Variants in GPT2 observed in about 807,000 individuals in gnomAD.
GPT2 encodes glutamic--pyruvic transaminase 2, also known as alanine aminotransferase 2.
In GPT2, 30 loss-of-function variants were observed where a neutral mutation model predicts 56.9. The observed-to-expected ratio is 0.53, with a 90% confidence interval of 0.39 to 0.72. GPT2 has a LOEUF of 0.72. Ranked by LOEUF, GPT2 falls within the 30% of genes least tolerant of loss-of-function variation. The pLI is 0.00. For synonymous variants in GPT2, 271 were observed against 283.1 expected, an observed-to-expected ratio of 0.96 and a Z score of 0.43; for missense variants, 542 against 703.4, an observed-to-expected ratio of 0.77 and a Z score of 2.60.
Position 46,926,685 on chromosome 16 carries a change from G to A in GPT2, c.1369-240G>A, listed in dbSNP as rs575275034. ...GGCTGCCTGGGGATGGGCACTGCCC[G>A]ATGACGGGCAGGAGGACCACTACCT... On this transcript the variant is annotated intron_variant, in intron 10 of 11. Transcript: ENST00000340124. Among the ~76,000 whole-genome samples the A allele has an allele frequency of 2.0e-5, 3 of 152,324 alleles. No individual in the cohort carries two copies. The South Asian group carries it at 6.2e-4, about 32-fold the overall frequency.
At chr16:46,925,869 C>T (rs902734841) in intron 10 of GPT2, among the ~76,000 whole-genome samples, 2 of 151,998 alleles carry the variant, frequency 1.3e-5, no homozygotes, top group Admixed American at 6.6e-5. Flanking sequence ...TGTGGTGGCT[C>T]ATGCCTGTAA....
chr16:46,886,948 A>G (rs1252614762), intron 2 of GPT2, among the ~76,000 whole-genome samples: 1 of 152,062 alleles, frequency 6.6e-6, no homozygotes, highest in Non-Finnish European at 1.5e-5. Context: ...TTCTCTTCTC[A>G]CTGTGAGTCT....
rs1434362837 is a variant in GPT2, at chr16:46,929,563, G to A, written c.*566G>A. On this transcript the variant is annotated 3_prime_UTR_variant, in exon 12 of 12. Transcript: ENST00000340124. ...ACTGGGCAGGATGTTGCACTAGCTT[G>A]GGGTAGATGCTGGGGGCTGCGGCCA... The A allele has an allele frequency of 6.5e-6, 1 of 153,904 alleles. No homozygotes were observed. The highest frequency in any genetic ancestry group is 1.4e-5 in the Non-Finnish European group (1 of 69,198). 9.5% of individuals were successfully genotyped at this position (153,904 alleles called of 1,614,324 possible).
chr16:46,897,831 G>A, intron 3 of GPT2, 94 bp downstream of exon 3: 6 of 1,045,802 alleles, frequency 5.7e-6, no homozygotes, highest in Non-Finnish European at 8.7e-6. Flanking sequence ...TCGATGTCCA[G>A]GCCCTCCCAG....
At chr16:46,886,874 G>C (rs1960493782) in intron 2 of GPT2, among the ~76,000 whole-genome samples, 1 of 152,172 alleles carries the variant, frequency 6.6e-6, no homozygotes, top group Non-Finnish European at 1.5e-5. Context: ...CTACTCCTGA[G>C]TTAGTTGAGT....
chr16:46,898,970 A>T lies in GPT2; in HGVS notation c.333+1233A>T, dbSNP rs866448414. On this transcript the variant is annotated intron_variant, in intron 3 of 11. Transcript: ENST00000340124. ...CACATATATGTGTATATATATACAC[A>T]CACACATATATATATATATATAACA... 0.018 allele frequency among the ~76,000 whole-genome samples: 175 copies of T among 9,716 alleles called. 4 individuals are homozygous for T. The Middle Eastern group carries it at 0.19, about 10-fold the overall frequency. The allele number at this position is 9,716 out of a possible 152,430, so 6.4% of individuals were successfully genotyped here.
At chr16:46,910,570 C>T (rs1961030917) in intron 6 of GPT2, among the ~76,000 whole-genome samples, 1 of 151,734 alleles carries the variant, frequency 6.6e-6, no homozygotes, top group African/African-American at 2.4e-5. Context: ...TGAGTAAATG[C>T]AGACATTTTC....
intron 7 of GPT2, 21 bp from the exon 8 acceptor site, chr16:46,918,600 G>A (rs551508585): frequency 1.7e-5 from 27 of 1,612,934 alleles, no homozygotes; most frequent in South Asian, 5.5e-5. Flanking sequence ...TTTGGTGACC[G>A]TCCCTGCCGT....
chr16:46,920,132 G>A (rs1961256647), intron 8 of GPT2, among the ~76,000 whole-genome samples: 1 of 152,248 alleles, frequency 6.6e-6, no homozygotes, highest in South Asian at 2.1e-4. Flanking sequence ...TTAAGCCCAG[G>A]AGTTCCAGGC....
intron 4 of GPT2, among the ~76,000 whole-genome samples, chr16:46,903,134 A>C (rs1330141796): frequency 6.6e-6 from 1 of 151,116 alleles, no homozygotes; most frequent in Non-Finnish European, 1.5e-5. Context: ...CTGTAATCCC[A>C]GCTACTTGGG....
At position 46,900,144 on chromosome 16, in the gene GPT2, T is replaced by C. The variant is rs961800141; in HGVS notation, c.334-538T>C. ...TACCAGCACTTTTGTACACATTTGC[T>C]TGCTTAATCCTCTTAATTTGTGGGG... On this transcript the variant is annotated intron_variant, in intron 3 of 11. Transcript: ENST00000340124. 5.3e-5 allele frequency among the ~76,000 whole-genome samples: 8 copies of C among 152,266 alleles called. No individual in the cohort carries two copies. In the East Asian group the frequency reaches 7.8e-4, roughly 15 times the overall value.
intron 8 of GPT2, 48 bp from the exon 9 acceptor site, chr16:46,922,194 G>T (rs763414164): frequency 2.5e-6 from 4 of 1,582,292 alleles, no homozygotes; most frequent in Non-Finnish European, 3.4e-6. Context: ...GCACTTTGTT[G>T]AGGTCTTTCT....
chr16:46,892,439 A>T (rs1168725685), intron 2 of GPT2, among the ~76,000 whole-genome samples: 1 of 152,150 alleles, frequency 6.6e-6, no homozygotes, highest in African/African-American at 2.4e-5. Context: ...TTTCCTTCAG[A>T]TCTCTACCCA....
At chr16:46,916,484 TGGGGAGGGGGGCCTCTGC>T in intron 6 of GPT2, 126 bp from the exon 7 acceptor site, 2 of 696,632 alleles carry the variant, frequency 2.9e-6, no homozygotes, top group Admixed American at 3.9e-5. Context: ...GCATGGCAGC[TGGGGAGGGGGGCCTCTGC>T]GGGGAGGGTG....
At chr16:46,925,388 A>G (rs970576836) in intron 10 of GPT2, among the ~76,000 whole-genome samples, 2 of 151,956 alleles carry the variant, frequency 1.3e-5, no homozygotes, top group Non-Finnish European at 2.9e-5. Flanking sequence ...CACCCGGATA[A>G]TTTTTTGTAT....
chr16:46,916,489 A>AG (rs1254715689), intron 6 of GPT2, 139 bp from the exon 7 acceptor site: 14 of 699,754 alleles, frequency 2.0e-5, no homozygotes, highest in Admixed American at 1.7e-4. Context: ...GCAGCTGGGG[A>AG]GGGGGGCCTC....
intron 4 of GPT2, 79 bp downstream of exon 4, chr16:46,900,869 C>T (rs1020293803): frequency 1.7e-6 from 2 of 1,169,162 alleles, no homozygotes. Context: ...AGCGGAGGGT[C>T]CTGCATGCGA....
intron 8 of GPT2, among the ~76,000 whole-genome samples, chr16:46,920,200 A>G (rs1337537894): frequency 6.6e-6 from 1 of 152,240 alleles, no homozygotes; most frequent in African/African-American, 2.4e-5. Context: ...AACAACAGGA[A>G]GGATGGTGTT....
Position 46,922,352 on chromosome 16 carries a change from C to A in GPT2, c.1148C>A (p.Ala383Asp), listed in dbSNP as rs769136239. ...VRLCPPVSGQ[A>D]AMDIVVNPPV... ...CTGTGCCCCCCAGTGTCTGGGCAGGCCGCCATGGACATTGTCGTGAACCCC... is the reference window on the plus strand; with the variant it reads ...CTGTGCCCCCCAGTGTCTGGGCAGGACGCCATGGACATTGTCGTGAACCCC... The change falls in exon 9 of 12, where the codon GCC becomes GAC. Residue 383 changes from alanine (A) to aspartate (D), a missense_variant. Coordinates refer to ENST00000340124, the MANE Select transcript of GPT2 (RefSeq NM_133443.4). 1.2e-6 allele frequency: 2 copies of A among 1,614,012 alleles called. No homozygotes were observed. Among genetic ancestry groups the A allele is most frequent in the East Asian group, 4.5e-5 (2 of 44,872 alleles).
Sources: gnomAD v4.1 joint callset for allele counts (sites outside exome capture counted in the v4.1 genomes callset) on GRCh38, gnomAD v4.1.1 for gene constraint, MANE v1.5 for transcripts, NCBI Gene and HGNC (gene_info 2026-07-23, HGNC 2026-07-21) for gene names.